RTN1: variants seen among roughly 807,000 people sequenced by gnomAD.
The protein encoded by RTN1 is reticulon-1.
RTN1 carries 25 observed loss-of-function variants against 65.5 expected under a neutral mutation model. That is an observed-to-expected ratio of 0.38 (90% CI 0.28 to 0.53). The LOEUF (loss-of-function observed/expected upper bound fraction) is 0.53. Among genes scored for constraint, RTN1 ranks in the 20% least tolerant of loss-of-function variants. The pLI is 0.79. For missense variants in RTN1, 983 were observed against 1,025.4 expected (o/e 0.96, Z 0.57); for synonymous variants, 471 against 447.6 (o/e 1.05, Z -0.66).
chr14:59,615,710 T>C (rs148237543), intron 3 of RTN1, among the ~76,000 whole-genome samples: 14 of 152,370 alleles, frequency 9.2e-5, no homozygotes, highest in African/African-American at 3.4e-4. Flanking sequence ...GAAATATGTT[T>C]TTCTCTTTTA....
At chr14:59,769,179 A>G (rs533162285) in intron 1 of RTN1, among the ~76,000 whole-genome samples, 9 of 152,290 alleles carry the variant, frequency 5.9e-5, no homozygotes, top group African/African-American at 2.2e-4. Context: ...AGTTCTCTCT[A>G]GGGCATCTAG....
intron 3 of RTN1, among the ~76,000 whole-genome samples, chr14:59,623,222 G>A (rs923702630): frequency 6.6e-6 from 1 of 152,234 alleles, no homozygotes; most frequent in Non-Finnish European, 1.5e-5. Flanking sequence ...TCCTTATGGA[G>A]GGCTTAACAT....
chr14:59,784,189 A>C (rs1364258059), intron 1 of RTN1, among the ~76,000 whole-genome samples: 1 of 152,222 alleles, frequency 6.6e-6, no homozygotes, highest in African/African-American at 2.4e-5. Context: ...CTGTAATCCC[A>C]GCACTTTGGG....
chr14:59,598,148 G>A (rs946837582), intron 8 of RTN1, among the ~76,000 whole-genome samples: 7 of 152,226 alleles, frequency 4.6e-5, no homozygotes, highest in African/African-American at 9.6e-5. Flanking sequence ...CCAAGTACCC[G>A]AAGGCAATGC....
At position 59,830,536 on chromosome 14, in the gene RTN1, T is replaced by C. The variant is rs184020328; in HGVS notation, c.241+39854A>G. On this transcript the variant is annotated intron_variant, in intron 1 of 8. Coordinates refer to ENST00000267484, the MANE Select transcript of RTN1 (RefSeq NM_021136.3). Reference sequence around the variant, plus strand: ...AGATGCCTACTAGAGAGGTGCCTCCTACAGGTTGTGTGACTCCGAGCAAAC... The same window carrying C: ...AGATGCCTACTAGAGAGGTGCCTCCCACAGGTTGTGTGACTCCGAGCAAAC... Among the ~76,000 whole-genome samples the C allele has an allele frequency of 2.0e-5, 3 of 152,350 alleles. No individual in the cohort carries two copies. The East Asian group carries it at 5.8e-4, about 29-fold the overall frequency.
At chr14:59,748,752 TAGGTACTC>T (rs111586730) in intron 1 of RTN1, among the ~76,000 whole-genome samples, 2,575 of 152,054 alleles carry the variant, frequency 0.017, 73 homozygotes, top group African/African-American at 0.06. Flanking sequence ...TGATGAATAG[TAGGTACTC>T]AATACATATT....
intron 3 of RTN1, among the ~76,000 whole-genome samples, chr14:59,678,120 C>G (rs1270978478): frequency 1.3e-5 from 2 of 152,296 alleles, no homozygotes; most frequent in East Asian, 3.9e-4. Context: ...ACAAGGGCGT[C>G]ATATAAACCC....
intron 1 of RTN1, among the ~76,000 whole-genome samples, chr14:59,841,395 T>C (rs1000601051): frequency 3.9e-5 from 6 of 152,116 alleles, no homozygotes; most frequent in Non-Finnish European, 8.8e-5. Context: ...ATTGTCAGAC[T>C]GGATAAAACT....
At position 59,696,377 on chromosome 14, in the gene RTN1, C is replaced by T. The variant is rs372507369; in HGVS notation, c.1765+30542G>A. Among the ~76,000 whole-genome samples the T allele has an allele frequency of 7.9e-5, 12 of 152,182 alleles. No individual in the cohort carries two copies. The South Asian group carries it at 1.0e-3, about 13-fold the overall frequency. The stretch of plus-strand genomic sequence containing the variant: ...CTCATCATCCTCAGAGCTAAGACAC[C>T]GCTTAAAAGGTCAGTAGCATAACCC... On this transcript the variant is annotated intron_variant, in intron 3 of 8. Transcript: ENST00000267484.
intron 1 of RTN1, among the ~76,000 whole-genome samples, chr14:59,811,723 G>C (rs1207597570): frequency 2.6e-5 from 4 of 152,198 alleles, no homozygotes; most frequent in African/African-American, 9.6e-5. Flanking sequence ...TTGCTACACA[G>C]TTAAGAGACA....
intron 1 of RTN1, among the ~76,000 whole-genome samples, chr14:59,864,042 A>G (rs1887756145): frequency 6.6e-6 from 1 of 152,202 alleles, no homozygotes; most frequent in Admixed American, 6.5e-5. Context: ...CCCCCATGTT[A>G]GATTCTCAAC....
At chr14:59,760,507 T>A (rs1435021389) in intron 1 of RTN1, among the ~76,000 whole-genome samples, 1 of 152,184 alleles carries the variant, frequency 6.6e-6, no homozygotes, top group African/African-American at 2.4e-5. Flanking sequence ...AAACTTTAAT[T>A]TCATTTAAAA....
At chr14:59,707,945 C>T (rs918338279) in intron 3 of RTN1, among the ~76,000 whole-genome samples, 1 of 152,126 alleles carries the variant, frequency 6.6e-6, no homozygotes, top group African/African-American at 2.4e-5. Flanking sequence ...GCAAGTAAGC[C>T]AGATGGGGTA....
chr14:59,639,705 T>G (rs1407548779), intron 3 of RTN1, among the ~76,000 whole-genome samples: 1 of 152,234 alleles, frequency 6.6e-6, no homozygotes, highest in Non-Finnish European at 1.5e-5. Flanking sequence ...TAAAGTGTCC[T>G]TTGTTTCCCA....
intron 3 of RTN1, among the ~76,000 whole-genome samples, chr14:59,641,164 TG>T (rs892733860): frequency 5.4e-4 from 82 of 152,180 alleles, no homozygotes; most frequent in African/African-American, 1.8e-3. Context: ...GATGGAGTTT[TG>T]CCATGTTACC....
intron 1 of RTN1, among the ~76,000 whole-genome samples, chr14:59,759,322 G>C (rs12890330): frequency 0.058 from 8,790 of 152,122 alleles, 323 homozygotes; most frequent in Non-Finnish European, 0.085. Context: ...CTGGGTCCTG[G>C]GTTCAAATGC....
intron 8 of RTN1, among the ~76,000 whole-genome samples, chr14:59,602,136 G>C (rs1950789): frequency 6.6e-6 from 1 of 152,064 alleles, no homozygotes; most frequent in East Asian, 1.9e-4. Flanking sequence ...TATAATCTAA[G>C]AGCAGAGGAA....
chr14:59,758,341 C>G (rs191784323), intron 1 of RTN1, among the ~76,000 whole-genome samples: 1 of 152,244 alleles, frequency 6.6e-6, no homozygotes, highest in East Asian at 1.9e-4. Context: ...TATTTCAAAG[C>G]CTTCTGTGAC....
intron 3 of RTN1, among the ~76,000 whole-genome samples, chr14:59,691,112 C>A (rs1883951467): frequency 6.6e-6 from 1 of 151,960 alleles, no homozygotes; most frequent in African/African-American, 2.4e-5. Flanking sequence ...AAAGTTGAGA[C>A]CCAAAAATCC....
Sources: allele counts gnomAD v4.1 joint callset (sites outside exome capture counted in the v4.1 genomes callset), GRCh38; gene constraint gnomAD v4.1.1; transcripts MANE v1.5; gene names NCBI Gene and HGNC (gene_info 2026-07-23, HGNC 2026-07-21).